Variants in DHCR24 observed in about 807,000 individuals in gnomAD.
DHCR24 encodes the protein 24-dehydrocholesterol reductase, also known as delta(24)-sterol reductase.
Under a neutral mutation model 61.2 loss-of-function variants are expected in DHCR24, and 28 were observed. The observed-to-expected ratio is 0.46, with a 90% CI of 0.34 to 0.63. DHCR24 has a LOEUF of 0.63. Among genes scored for constraint, DHCR24 ranks in the 20% least tolerant of loss-of-function variants. The probability of loss-of-function intolerance (pLI) is 0.01; values close to 1 mark genes in which losing one functional copy is unlikely to be tolerated. For synonymous variants in DHCR24, 261 were observed against 275.9 expected, an observed-to-expected ratio of 0.95 and a Z score of 0.54; for missense variants, 538 against 679.1, an observed-to-expected ratio of 0.79 and a Z score of 2.31.
At chr1:54,869,606 G>A (rs7418301) in intron 5 of DHCR24, among the ~76,000 whole-genome samples, 4 of 132,414 alleles carry the variant, frequency 3.0e-5, no homozygotes, top group Non-Finnish European at 5.0e-5. Flanking sequence ...CACACACACA[G>A]AGAAATAGGT....
At chr1:54,862,295 T>C (rs1029660141) in intron 6 of DHCR24, among the ~76,000 whole-genome samples, 2 of 152,202 alleles carry the variant, frequency 1.3e-5, no homozygotes, top group Non-Finnish European at 2.9e-5. Context: ...TTGTTTTCAC[T>C]GTGTCCACCG....
intron 6 of DHCR24, among the ~76,000 whole-genome samples, chr1:54,858,949 T>A (rs1427304434): frequency 1.3e-5 from 2 of 152,172 alleles, no homozygotes; most frequent in African/African-American, 4.8e-5. Flanking sequence ...GTAGCGGTTT[T>A]AACATATGCC....
intron 5 of DHCR24, among the ~76,000 whole-genome samples, chr1:54,870,506 A>C (rs1646993068): frequency 6.6e-6 from 1 of 152,252 alleles, no homozygotes; most frequent in African/African-American, 2.4e-5. Context: ...AAAATGATTT[A>C]GTATTTGCAT....
rs1647000915 is a variant in DHCR24, at chr1:54,871,702, T to C, written c.613-89A>G. 1.9e-6 allele frequency: 3 copies of C among 1,549,394 alleles called. No homozygotes were observed. In the Admixed American group the frequency reaches 5.3e-5, roughly 27 times the overall value. ...AGTGGGGGAGCAAAGCCTGGGAGAG[T>C]CCCTATTCTCTCACTCTCTTGTATA... On this transcript the variant is annotated intron_variant, in intron 4 of 8. Coordinates refer to ENST00000371269, the MANE Select transcript of DHCR24 (RefSeq NM_014762.4).
At chr1:54,855,472 A>G (rs1646902003) in intron 6 of DHCR24, among the ~76,000 whole-genome samples, 2 of 151,884 alleles carry the variant, frequency 1.3e-5, no homozygotes, top group African/African-American at 2.4e-5. Context: ...GGGAACCAAG[A>G]TAACTGAGAC....
chr1:54,881,298 CA>C (rs1647062653), intron 2 of DHCR24, among the ~76,000 whole-genome samples: 1 of 151,936 alleles, frequency 6.6e-6, no homozygotes, highest in Admixed American at 6.6e-5. Flanking sequence ...CTTACAAGAA[CA>C]AAACAACCCC....
At chr1:54,884,197 G>A (rs1297217620) in intron 1 of DHCR24, among the ~76,000 whole-genome samples, 1 of 151,948 alleles carries the variant, frequency 6.6e-6, no homozygotes. Flanking sequence ...CCCTTTTTTC[G>A]AGGATAAGGA....
At position 54,849,992 on chromosome 1, in the gene DHCR24, T is replaced by C. The variant is rs1646865905; in HGVS notation, c.*2241A>G. 1 of 152,200 alleles carries C rather than the reference T, an allele frequency of 6.6e-6. No homozygotes were observed. The highest frequency in any genetic ancestry group is 2.1e-4 in the South Asian group (1 of 4,824). 9.4% of individuals were successfully genotyped at this position (152,200 alleles called of 1,614,324 possible). On this transcript the variant is annotated 3_prime_UTR_variant, in exon 9 of 9. Coordinates refer to ENST00000371269, the MANE Select transcript of DHCR24 (RefSeq NM_014762.4). ...CCCACTGGCATCAAGTTTAACTCCATCCAAAACCATCACATGGATGGCCAG... is the reference window on the plus strand; with the variant it reads ...CCCACTGGCATCAAGTTTAACTCCACCCAAAACCATCACATGGATGGCCAG...
At chr1:54,854,350 C>T (rs1646895416) in intron 6 of DHCR24, 116 bp from the exon 7 acceptor site, 1 of 825,708 alleles carries the variant, frequency 1.2e-6, no homozygotes, top group East Asian at 2.6e-5. Flanking sequence ...ACGCCTGAGT[C>T]CAATTCCCCT....
At position 54,849,857 on chromosome 1, in the gene DHCR24, T is replaced by C. The variant is rs1646864999; in HGVS notation, c.*2376A>G. On this transcript the variant is annotated 3_prime_UTR_variant, in exon 9 of 9. Transcript: ENST00000371269. ...AGTAATATCCAAGTATTCATCCTTC[T>C]GGCCAAAGAAACTGGCTACAATTCT... 6.5e-6 allele frequency: 1 copy of C among 152,710 alleles called. No individual in the cohort carries two copies. Among genetic ancestry groups the C allele is most frequent in the Non-Finnish European group, 1.5e-5 (1 of 68,076 alleles). 9.5% of individuals were successfully genotyped at this position (152,710 alleles called of 1,614,324 possible).
In DHCR24 at chr1:54,871,383, T is replaced by G; in HGVS notation, c.843A>C (p.Thr281=). The change falls in exon 5 of 9, where the codon ACA becomes ACC. Residue 281 remains threonine, a synonymous_variant. Coordinates refer to ENST00000371269, the MANE Select transcript of DHCR24 (RefSeq NM_014762.4). Reference sequence around the variant, plus strand: ...GCTCTGCCTCATCTGTCATGACCCCTGTCATAATGACAGCCTCATCCAGGG... The same window carrying G: ...GCTCTGCCTCATCTGTCATGACCCCGGTCATAATGACAGCCTCATCCAGGG... The part of the protein sequence containing the change: ...LYSLDEAVIM[T]GVMTDEAEPS... 6.2e-7 allele frequency: 1 copy of G among 1,614,128 alleles called. No homozygotes were observed. The highest frequency in any genetic ancestry group is 8.5e-7 in the Non-Finnish European group (1 of 1,180,006).
At chr1:54,876,931 AT>A (rs1404689404) in intron 2 of DHCR24, among the ~76,000 whole-genome samples, 34 of 151,830 alleles carry the variant, frequency 2.2e-4, no homozygotes, top group Admixed American at 2.2e-3. Context: ...GAACACATCA[AT>A]CAATATATGT....
At chr1:54,879,189 CG>C (rs1647051132) in intron 2 of DHCR24, among the ~76,000 whole-genome samples, 1 of 151,746 alleles carries the variant, frequency 6.6e-6, no homozygotes, top group South Asian at 2.1e-4. Flanking sequence ...CGCGGTGGTG[CG>C]CATCTGTAAT....
At position 54,865,427 on chromosome 1, in the gene DHCR24, T is replaced by TA; in HGVS notation, c.895dup (p.Tyr299LeufsTer8). On this transcript the variant is annotated frameshift_variant, in exon 6 of 9. Coordinates refer to ENST00000371269, the MANE Select transcript of DHCR24 (RefSeq NM_014762.4). LOFTEE classifies it high-confidence loss of function. Reference sequence around the variant, plus strand: ...ATGCTTAAAGAACCACGGCTTGTAGTAATTGCCAATGCTATTCAGCTGAAA... The same window carrying TA: ...ATGCTTAAAGAACCACGGCTTGTAGTAAATTGCCAATGCTATTCAGCTGAAA... 1 of 1,614,172 alleles carries TA rather than the reference T, an allele frequency of 6.2e-7. No homozygotes were observed. The highest frequency in any genetic ancestry group is 8.5e-7 in the Non-Finnish European group (1 of 1,180,026).
chr1:54,859,372 G>C (rs1045513432), intron 6 of DHCR24, among the ~76,000 whole-genome samples: 1 of 152,126 alleles, frequency 6.6e-6, no homozygotes, highest in Non-Finnish European at 1.5e-5. Context: ...ATAAATGTTT[G>C]CTGCTTTAAT....
Position 54,883,855 on chromosome 1 carries a change from G to A in DHCR24, c.232-82C>T, listed in dbSNP as rs1557441008. The A allele has an allele frequency of 6.3e-7, 1 of 1,582,208 alleles. No homozygotes were observed. Among genetic ancestry groups the A allele is most frequent in the Non-Finnish European group, 8.6e-7 (1 of 1,157,604 alleles). ...GCAGCCCTGCTTTCTTCAAGGGCGA[G>A]CTGGGAATGATGCCTCCATCAGGCA... On this transcript the variant is annotated intron_variant, in intron 1 of 8. Transcript: ENST00000371269. The surrounding 1 kb of genome is among the most constrained non-coding windows in gnomAD (Gnocchi z 4.3).
In DHCR24 at chr1:54,852,287, G is replaced by A. The variant is rs947740229; in HGVS notation, c.1497C>T (p.Cys499=). 6.2e-7 allele frequency: 1 copy of A among 1,614,202 alleles called. No individual in the cohort carries two copies. Among genetic ancestry groups the A allele is most frequent in the Non-Finnish European group, 8.5e-7 (1 of 1,180,046 alleles). The change falls in exon 9 of 9, where the codon TGC becomes TGT. Residue 499 remains cysteine (C), a synonymous_variant. Transcript: ENST00000371269. ...CGTACACCTCGGGGAAGGCGTCCTG[G>A]CAACCCAGCTTCTCTCGCAGCTTGT... ...LYHKLREKLG[C]QDAFPEVYDK...
chr1:54,884,927 A>G (rs1647084597), intron 1 of DHCR24, among the ~76,000 whole-genome samples: 1 of 152,228 alleles, frequency 6.6e-6, no homozygotes, highest in Non-Finnish European at 1.5e-5. Flanking sequence ...AACAGATGGC[A>G]GAGGGATGGA....
chr1:54,853,965 C>T (rs890780539), intron 7 of DHCR24, 72 bp downstream of exon 7: 74 of 1,468,754 alleles, frequency 5.0e-5, no homozygotes, highest in South Asian at 9.6e-5. Context: ...GTCGGTCACA[C>T]GGTTCAGGGG....
Sources: gnomAD v4.1 joint callset for allele counts (sites outside exome capture counted in the v4.1 genomes callset) on GRCh38, gnomAD v4.1.1 for gene constraint, Gnocchi (gnomAD v3.1) non-coding constraint, MANE v1.5 for transcripts, NCBI Gene and HGNC (gene_info 2026-07-23, HGNC 2026-07-21) for gene names.